Variants in GLI3 observed in about 807,000 individuals in gnomAD.
The protein encoded by GLI3 is transcription activator GLI3.
In GLI3, 20 loss-of-function variants were observed where a neutral mutation model predicts 100.8. That is an observed-to-expected ratio of 0.20 (90% CI 0.14 to 0.29). GLI3 has a LOEUF of 0.29. Among genes scored for constraint, GLI3 ranks in the 10% least tolerant of loss-of-function variants. The pLI is 1.00. For missense variants in GLI3, 2,040 were observed against 2,128.5 expected (o/e 0.96, Z 0.82); for synonymous variants, 938 against 860.5 (o/e 1.09, Z -1.58).
chr7:42,228,670 T>C (rs1788633340), intron 1 of GLI3, among the ~76,000 whole-genome samples: 1 of 152,220 alleles, frequency 6.6e-6, no homozygotes, highest in Non-Finnish European at 1.5e-5. Flanking sequence ...TGTCGCATTA[T>C]AATAAAACAT....
chr7:42,035,703 T>C (rs1000139193), intron 7 of GLI3, among the ~76,000 whole-genome samples: 7 of 151,730 alleles, frequency 4.6e-5, no homozygotes, highest in Admixed American at 2.6e-4. Context: ...GGGGGTCATT[T>C]TAAACACCTT....
rs530925639 is a variant in GLI3 at position 42,179,307 on chromosome 7, G to A, written c.125-30839C>T. ...TCTTTCTTTTGTAAATTGTCCAGTC[G>A]TGGGTATGTCTGTATTGGCAGCGTG... On this transcript the variant is annotated intron_variant, in intron 2 of 14. Coordinates refer to ENST00000395925, the MANE Select transcript of GLI3 (RefSeq NM_000168.6). Among the ~76,000 whole-genome samples, 12 of 152,242 alleles carry A rather than the reference G, an allele frequency of 7.9e-5. No homozygotes were observed. The South Asian group carries it at 1.2e-3, about 16-fold the overall frequency.
intron 2 of GLI3, among the ~76,000 whole-genome samples, chr7:42,149,025 A>G (rs1464968832): frequency 6.6e-6 from 1 of 152,200 alleles, no homozygotes; most frequent in African/African-American, 2.4e-5. Flanking sequence ...TTTAAGTCAG[A>G]TTTGTAACCC....
At chr7:42,111,802 C>T (rs1200337738) in intron 3 of GLI3, among the ~76,000 whole-genome samples, 6 of 152,136 alleles carry the variant, frequency 3.9e-5, no homozygotes, top group Admixed American at 6.5e-5. Context: ...GGTGGGATGG[C>T]TTAGGTTTGC....
chr7:42,153,557 G>A (rs1249955127), intron 2 of GLI3, among the ~76,000 whole-genome samples: 2 of 151,178 alleles, frequency 1.3e-5, no homozygotes, highest in African/African-American at 2.4e-5. Context: ...AGGATGGGGC[G>A]GGCAGGGAGG....
At chr7:42,004,100 G>A (rs1788384760) in intron 10 of GLI3, among the ~76,000 whole-genome samples, 1 of 152,036 alleles carries the variant, frequency 6.6e-6, no homozygotes, top group African/African-American at 2.4e-5. Context: ...AAATTTAGGA[G>A]GAGAAAGAAG....
At chr7:42,154,582 C>T (rs561877687) in intron 2 of GLI3, among the ~76,000 whole-genome samples, 2 of 152,250 alleles carry the variant, frequency 1.3e-5, no homozygotes, top group Admixed American at 6.5e-5. Context: ...GAATAAAAAC[C>T]AACGGAATCC....
chr7:42,119,344 A>G (rs3779152), intron 3 of GLI3, among the ~76,000 whole-genome samples: 33,703 of 152,150 alleles, frequency 0.22, 4,613 homozygotes, highest in Middle Eastern at 0.35. Flanking sequence ...CCCAGGGGCT[A>G]TAGTTTCTGT....
At chr7:42,146,081 A>G (rs1562756657) in intron 3 of GLI3, among the ~76,000 whole-genome samples, 1 of 152,154 alleles carries the variant, frequency 6.6e-6, no homozygotes, top group African/African-American at 2.4e-5. Context: ...TTTATGACCA[A>G]TTTAGGGAGT....
intron 11 of GLI3, 132 bp downstream of exon 11, chr7:41,978,467 A>G: frequency 1.2e-6 from 1 of 866,950 alleles, no homozygotes. Context: ...GGCATTTATC[A>G]CCAGACAATA....
chr7:42,175,512 G>C (rs1787461025), intron 2 of GLI3, among the ~76,000 whole-genome samples: 1 of 152,034 alleles, frequency 6.6e-6, no homozygotes, highest in African/African-American at 2.4e-5. Context: ...TAGCTATCTG[G>C]GTGGCTGAGG....
chr7:42,041,875 C>A (rs1784146618), intron 6 of GLI3, among the ~76,000 whole-genome samples: 1 of 152,156 alleles, frequency 6.6e-6, no homozygotes, highest in South Asian at 2.1e-4. Context: ...AACTTAAAAA[C>A]CAACTTGAAT....
intron 5 of GLI3, among the ~76,000 whole-genome samples, chr7:42,046,606 C>T (rs1482523245): frequency 6.6e-6 from 1 of 152,204 alleles, no homozygotes; most frequent in East Asian, 1.9e-4. Context: ...TCAAATGCTA[C>T]ACAAAGCAGA....
At chr7:42,129,488 G>T (rs1302619420) in intron 3 of GLI3, among the ~76,000 whole-genome samples, 1 of 152,220 alleles carries the variant, frequency 6.6e-6, no homozygotes, top group African/African-American at 2.4e-5. Flanking sequence ...AGAGGGCAAA[G>T]AAACAGGTGG....
chr7:42,081,087 C>T (rs931973796), intron 3 of GLI3, among the ~76,000 whole-genome samples: 1 of 152,194 alleles, frequency 6.6e-6, no homozygotes, highest in Non-Finnish European at 1.5e-5. Context: ...AACCTGGCTA[C>T]CTCCTATTTA....
At chr7:42,235,122 T>G (rs1269091956) in intron 1 of GLI3, among the ~76,000 whole-genome samples, 1 of 152,214 alleles carries the variant, frequency 6.6e-6, no homozygotes, top group Admixed American at 6.5e-5. Flanking sequence ...TTCACTATTT[T>G]AAAACATAGC....
intron 2 of GLI3, among the ~76,000 whole-genome samples, chr7:42,163,554 G>A (rs1299879806): frequency 2.6e-5 from 4 of 151,282 alleles, no homozygotes; most frequent in Non-Finnish European, 5.9e-5. Flanking sequence ...TCAGCCTCCC[G>A]AGTAGCTGGA....
intron 10 of GLI3, among the ~76,000 whole-genome samples, chr7:41,983,023 TG>T (rs1321068391): frequency 1.3e-5 from 2 of 152,384 alleles, no homozygotes; most frequent in Admixed American, 6.5e-5. Context: ...CATTTATGAA[TG>T]TGGAAAACTT....
intron 2 of GLI3, among the ~76,000 whole-genome samples, chr7:42,210,842 C>A (rs980670034): frequency 2.0e-5 from 3 of 152,160 alleles, no homozygotes; most frequent in African/African-American, 4.8e-5. Context: ...GTTTCCTCTT[C>A]AATCTAGAAA....
Sources: gnomAD v4.1 joint callset for allele counts (sites outside exome capture counted in the v4.1 genomes callset) on GRCh38, gnomAD v4.1.1 for gene constraint, MANE v1.5 for transcripts, NCBI Gene and HGNC (gene_info 2026-07-23, HGNC 2026-07-21) for gene names.